Variants in SPINT1 observed in about 807,000 individuals in gnomAD.
The protein encoded by SPINT1 is kunitz-type protease inhibitor 1.
Under a neutral mutation model 53.7 loss-of-function variants are expected in SPINT1, and 38 were observed. That is an observed-to-expected ratio of 0.71 (90% CI 0.55 to 0.93). SPINT1 has a LOEUF of 0.93. Ranked by LOEUF, SPINT1 falls within the 40% of genes least tolerant of loss-of-function variation. The pLI is 0.00. For missense variants in SPINT1, 645 were observed against 692.9 expected (o/e 0.93, Z 0.78); for synonymous variants, 283 against 280.6 (o/e 1.01, Z -0.08).
In SPINT1 at chr15:40,844,661, G is replaced by A; in HGVS notation, c.107G>A (p.Gly36Glu). 2.5e-6 allele frequency: 4 copies of A among 1,605,162 alleles called. No individual in the cohort carries two copies. The highest frequency in any genetic ancestry group is 2.2e-5 in the East Asian group (1 of 44,532). ...CTCGGCCTCCAGGGCACCCAGGCCGGGCCACCGCCCGCGCCCCCTGGGCTG... is the reference window on the plus strand; with the variant it reads ...CTCGGCCTCCAGGGCACCCAGGCCGAGCCACCGCCCGCGCCCCCTGGGCTG... The part of the protein sequence containing the change: ...CTLGLQGTQA[G>E]PPPAPPGLPA... Residue 36 changes from glycine to glutamate, a missense_variant, in exon 2 of 11, where the codon GGG becomes GAG. By Grantham distance (98) the Gly-to-Glu change is moderately conservative (BLOSUM62 -2). Coordinates refer to ENST00000562057, the MANE Select transcript of SPINT1 (RefSeq NM_003710.4). The surrounding 1 kb of genome is among the most constrained non-coding windows in gnomAD (Gnocchi z 5.8).
At chr15:40,851,914 G>A (rs1465729232) in intron 2 of SPINT1, among the ~76,000 whole-genome samples, 1 of 152,180 alleles carries the variant, frequency 6.6e-6, no homozygotes, top group South Asian at 2.1e-4. Context: ...CCAGCTACTC[G>A]GGAGGCTGAG....
At chr15:40,855,858 A>AC in intron 8 of SPINT1, 34 bp from the exon 9 acceptor site, 1 of 1,585,752 alleles carries the variant, frequency 6.3e-7, no homozygotes, top group Non-Finnish European at 8.6e-7. Context: ...GAGGCCATGG[A>AC]CTCGCTCACC....
intron 3 of SPINT1, 32 bp downstream of exon 3, chr15:40,853,283 T>A: frequency 6.2e-7 from 1 of 1,613,232 alleles, no homozygotes; most frequent in South Asian, 1.1e-5. Flanking sequence ...GACCCCGCCC[T>A]CTGCCTGCCA....
Position 40,853,233 on chromosome 15 carries a change from C to A in SPINT1, c.585C>A (p.Asp195Glu). The change falls in exon 3 of 11, where the codon GAC (aspartate) becomes GAA (glutamate). Residue 195 changes from aspartate (D) to glutamate (E), a missense_variant. By Grantham distance (45) the Asp-to-Glu change is conservative. Transcript: ENST00000562057. ...ENTDWRLLRG[D>E]TDVRVERKDP... ...CAGATTGGCGCCTACTGCGGGGTGA[C>A]ACGGATGTCAGGGTAGAGGTGAGAC... 6.2e-7 allele frequency: 1 copy of A among 1,614,198 alleles called. No homozygotes were observed. Among genetic ancestry groups the A allele is most frequent in the Admixed American group, 1.7e-5 (1 of 60,026 alleles).
chr15:40,852,389 G>A (rs982173827), intron 2 of SPINT1, among the ~76,000 whole-genome samples: 1 of 152,140 alleles, frequency 6.6e-6, no homozygotes, highest in Non-Finnish European at 1.5e-5. Flanking sequence ...GGGTTCCAGG[G>A]GTTAGATGTG....
At chr15:40,856,085 G>A (rs760112686) in intron 9 of SPINT1, 23 bp downstream of exon 9, 4 of 1,612,640 alleles carry the variant, frequency 2.5e-6, no homozygotes, top group Non-Finnish European at 2.5e-6. Context: ...GTGAGAGGGT[G>A]GGCATGTATG....
At position 40,856,401 on chromosome 15, in the gene SPINT1, C is replaced by A. The variant is rs376232831; in HGVS notation, c.1336+78C>A. The A allele has an allele frequency of 1.9e-6, 3 of 1,570,714 alleles. No homozygotes were observed. In the African/African-American group the frequency reaches 4.1e-5, roughly 21 times the overall value. ...GGATCAACTCCACCTGTTGTGACAG[C>A]CTAACCTGTGTTGAGAAGGATGCCA... On this transcript the variant is annotated intron_variant, in intron 10 of 10. Transcript: ENST00000562057.
At position 40,854,417 on chromosome 15, in the gene SPINT1, C is replaced by T; in HGVS notation, c.961C>T (p.Pro321Ser). ...RHPVCSGTCQ[P>S]TQFRCSNGCC... ...TCCAGTGTGCTCTGGCACCTGTCAG[C>T]CCACCCAGTTCCGCTGCAGCAATGG... The change falls in exon 7 of 11, where the codon CCC (proline) becomes TCC (serine). Residue 321 changes from proline (P) to serine (S), a missense_variant. Transcript: ENST00000562057. The T allele has an allele frequency of 2.5e-6, 4 of 1,605,762 alleles. No individual in the cohort carries two copies. The highest frequency in any genetic ancestry group is 1.3e-5 in the African/African-American group (1 of 74,776).
chr15:40,850,364 C>A (rs1891421969), intron 2 of SPINT1, among the ~76,000 whole-genome samples: 1 of 152,244 alleles, frequency 6.6e-6, no homozygotes, highest in African/African-American at 2.4e-5. Context: ...AGCCACCGCA[C>A]CCGGCTGTTG....
chr15:40,846,929 A>G (rs1891315870), intron 2 of SPINT1, among the ~76,000 whole-genome samples: 1 of 152,190 alleles, frequency 6.6e-6, no homozygotes, highest in Non-Finnish European at 1.5e-5. Context: ...AAGTAGCAGA[A>G]AGTGTAGGTG....
In SPINT1 at chr15:40,851,191, G is replaced by C. The variant is rs189502341; in HGVS notation, c.476-1933G>C. 7.4e-4 allele frequency among the ~76,000 whole-genome samples: 108 copies of C among 146,508 alleles called. 1 individual carries two copies. In the East Asian group the frequency reaches 0.019, roughly 26 times the overall value. ...TTTTTTTTAAACGGAGTCTTGCTCT[G>C]TTGCCAGGCTGGAGTGCAGTGGCAC... is the stretch of plus-strand genomic sequence containing the variant. On this transcript the variant is annotated intron_variant, in intron 2 of 10. Transcript: ENST00000562057.
At chr15:40,854,739 ATCC>A in intron 8 of SPINT1, 50 bp downstream of exon 8, 1 of 1,607,378 alleles carries the variant, frequency 6.2e-7, no homozygotes. Flanking sequence ...TGACACTGCC[ATCC>A]TCACTATTTC....
chr15:40,848,417 C>T (rs147838664), intron 2 of SPINT1, among the ~76,000 whole-genome samples: 1 of 152,332 alleles, frequency 6.6e-6, no homozygotes, highest in Non-Finnish European at 1.5e-5. Context: ...AGGAATTCAT[C>T]TTGCAGCTGT....
At position 40,853,875 on chromosome 15, in the gene SPINT1, G is replaced by T. The variant is rs768069377; in HGVS notation, c.907G>T (p.Val303Leu). 15 of 1,614,082 alleles carry T rather than the reference G, an allele frequency of 9.3e-6. No individual in the cohort carries two copies. The highest frequency in any genetic ancestry group is 1.1e-5 in the Non-Finnish European group (13 of 1,180,040). Residue 303 changes from valine to leucine, a missense_variant, in exon 5 of 11, where the codon GTG (valine) becomes TTG (leucine). By Grantham distance (32) the Val-to-Leu change is conservative (BLOSUM62 1). Coordinates refer to ENST00000562057, the MANE Select transcript of SPINT1 (RefSeq NM_003710.4). ...EEECILACRG[V>L]QGPSMERRHP... ...AGAGTGCATTCTAGCCTGTCGGGGT[G>T]TGCAAGGTGGGCCTTTGAGAGGCAG...
At chr15:40,854,809 C>T in intron 8 of SPINT1, 120 bp downstream of exon 8, 1 of 1,287,460 alleles carries the variant, frequency 7.8e-7, no homozygotes, top group Non-Finnish European at 1.1e-6. Context: ...CACAAAGAGC[C>T]AGGGTGGGCT....
At chr15:40,852,986 C>T in intron 2 of SPINT1, 138 bp from the exon 3 acceptor site, 1 of 1,080,958 alleles carries the variant, frequency 9.3e-7, no homozygotes, top group African/African-American at 1.6e-5. Context: ...TGGGGGCTCC[C>T]ACCCGCACCC....
chr15:40,849,168 C>T (rs1229069602), intron 2 of SPINT1, among the ~76,000 whole-genome samples: 1 of 151,738 alleles, frequency 6.6e-6, no homozygotes, highest in Non-Finnish European at 1.5e-5. Context: ...ATGGTGTGAA[C>T]CCAGGAGGCG....
At chr15:40,850,477 CT>C (rs1891424667) in intron 2 of SPINT1, among the ~76,000 whole-genome samples, 1 of 152,246 alleles carries the variant, frequency 6.6e-6, no homozygotes, top group African/African-American at 2.4e-5. Context: ...ACCTAGCATG[CT>C]GCCCAGCATA....
intron 2 of SPINT1, among the ~76,000 whole-genome samples, chr15:40,848,999 A>C (rs970410972): frequency 6.0e-4 from 90 of 150,834 alleles, no homozygotes; most frequent in Admixed American, 1.3e-3. Context: ...GTAATCCCAG[A>C]ACTTTGGGAG....
Sources: gnomAD v4.1 joint callset for allele counts (sites outside exome capture counted in the v4.1 genomes callset) on GRCh38, gnomAD v4.1.1 for gene constraint, Gnocchi (gnomAD v3.1) non-coding constraint, MANE v1.5 for transcripts, NCBI Gene and HGNC (gene_info 2026-07-23, HGNC 2026-07-21) for gene names.